Variants in FRMPD4 observed in about 807,000 individuals in gnomAD.
FRMPD4 encodes FERM and PDZ domain containing 4, also known as FERM and PDZ domain-containing protein 4.
FRMPD4 carries 22 observed loss-of-function variants against 94.1 expected under a neutral mutation model. The ratio of observed to expected loss-of-function variants is 0.23; its 90% CI spans 0.17 to 0.33. The LOEUF is 0.33. Among genes scored for constraint, FRMPD4 ranks in the 10% least tolerant of loss-of-function variants. The probability of loss-of-function intolerance (pLI) is 1.00; values close to 1 mark genes in which losing one functional copy is unlikely to be tolerated. For synonymous variants in FRMPD4, 631 were observed against 548.6 expected (o/e 1.15, Z -2.10); for missense variants, 1,111 against 1,339.9 (o/e 0.83, Z 2.67).
intron 3 of FRMPD4, among the ~76,000 whole-genome samples, chrX:11,959,091 A>T (rs866192546): frequency 2.7e-5 from 3 of 112,847 alleles, no homozygotes; most frequent in Middle Eastern, 4.6e-3. Context: ...TGTATTTTTT[A>T]AAGTTATTTC....
chrX:12,139,551 TGGG>T lies in FRMPD4; in HGVS notation c.41+547_41+549del, dbSNP rs368733965. On this transcript the variant is annotated intron_variant, in intron 1 of 16. Transcript: ENST00000675598. The stretch of plus-strand genomic sequence containing the variant: ...GAAAGACTTTCAGCCTTTTTTTTTT[TGGG>T]GGGGGGGTAACTATATTCTTAAGCC... Among the ~76,000 whole-genome samples the T allele has an allele frequency of 8.0e-4, 65 of 81,660 alleles. 1 individual carries two copies. The highest frequency in any genetic ancestry group is 2.9e-3 in the African/African-American group (63 of 22,024). The allele number at this position is 81,660 out of a possible 115,157, so 70.9% of individuals were successfully genotyped here.
intron 3 of FRMPD4, among the ~76,000 whole-genome samples, chrX:12,114,416 T>C (rs1453242930): frequency 8.9e-6 from 1 of 112,323 alleles, no homozygotes; most frequent in Non-Finnish European, 1.9e-5. Flanking sequence ...AATGAGTAAA[T>C]TAATCTCTCT....
At chrX:12,650,418 AG>A (rs1185231758) in intron 4 of FRMPD4, among the ~76,000 whole-genome samples, 1 of 105,595 alleles carries the variant, frequency 9.5e-6, no homozygotes, top group Non-Finnish European at 2.0e-5. Flanking sequence ...CTATCCACAA[AG>A]TCTAGAACAG....
intron 2 of FRMPD4, among the ~76,000 whole-genome samples, chrX:12,522,114 C>CAA (rs63200862): frequency 0.017 from 1,461 of 88,275 alleles, 33 homozygotes; most frequent in African/African-American, 0.057. Context: ...GTTACTTCTT[C>CAA]AAAAAAAAAA....
intron 1 of FRMPD4, among the ~76,000 whole-genome samples, chrX:12,263,395 GA>G (rs1463582969): frequency 9.0e-6 from 1 of 111,587 alleles, no homozygotes; most frequent in Non-Finnish European, 1.9e-5. Flanking sequence ...TAGAGGAAGT[GA>G]CAAATGATGA....
chrX:12,289,461 A>G (rs1043596158), intron 1 of FRMPD4, among the ~76,000 whole-genome samples: 52 of 112,238 alleles, frequency 4.6e-4, no homozygotes, highest in African/African-American at 8.1e-4. Context: ...GGGCATCTCA[A>G]TGTTCAAGAT....
rs888541621 is a variant in FRMPD4, at chrX:12,138,874, G to C, written c.-98G>C. ...GCTGTCGCCGCGACTCGAGCCCCGG[G>C]CGCACTGAGGTCTTGGCCATGGGGC... On this transcript the variant is annotated 5_prime_UTR_variant, in exon 1 of 17. Coordinates refer to ENST00000675598, the MANE Select transcript of FRMPD4 (RefSeq NM_001368397.1). 7 of 672,012 alleles carry C rather than the reference G, an allele frequency of 1.0e-5. No homozygotes were observed. The highest frequency in any genetic ancestry group is 1.5e-5 in the Non-Finnish European group (7 of 481,202). The allele number at this position is 672,012 out of a possible 1,213,427, so 55.4% of individuals were successfully genotyped here.
chrX:12,377,729 A>C (rs1462804726), intron 1 of FRMPD4, among the ~76,000 whole-genome samples: 1 of 112,682 alleles, frequency 8.9e-6, no homozygotes, highest in Non-Finnish European at 1.9e-5. Context: ...TGGGTGGATG[A>C]CATGTTGGCT....
At chrX:12,577,010 C>A (rs935821606) in intron 2 of FRMPD4, among the ~76,000 whole-genome samples, 1 of 111,600 alleles carries the variant, frequency 9.0e-6, no homozygotes, top group Non-Finnish European at 1.9e-5. Context: ...ATTGCAAATT[C>A]ATGGATCTGA....
intron 1 of FRMPD4, among the ~76,000 whole-genome samples, chrX:12,178,057 C>A (rs1241799176): frequency 9.0e-6 from 1 of 110,890 alleles, no homozygotes; most frequent in East Asian, 2.8e-4. Context: ...AAAGGTGGGG[C>A]CTTTGGGAGG....
intron 3 of FRMPD4, among the ~76,000 whole-genome samples, chrX:12,131,834 A>G (rs1343842149): frequency 8.9e-6 from 1 of 112,309 alleles, no homozygotes; most frequent in Non-Finnish European, 1.9e-5. Context: ...TGGGATAATA[A>G]TAACTTTTTT....
chrX:12,339,234 G>T (rs1482440627), intron 1 of FRMPD4, among the ~76,000 whole-genome samples: 1 of 111,751 alleles, frequency 8.9e-6, no homozygotes, highest in Non-Finnish European at 1.9e-5. Flanking sequence ...CATGTTTTTT[G>T]AATGTTCCAA....
At chrX:12,663,522 A>G (rs972075485) in intron 4 of FRMPD4, among the ~76,000 whole-genome samples, 1 of 111,789 alleles carries the variant, frequency 8.9e-6, no homozygotes, top group Admixed American at 9.5e-5. Context: ...GGCACTATTT[A>G]TGAAGCATCT....
Position 12,498,675 on chromosome X carries a change from TCCA to T in FRMPD4, c.42-4_42-2del. Reference sequence around the variant, plus strand: ...TAATGATGCTTTTTTTTTTTTCTTTTCCAGCCACAGGACGAAGTCTTCAGGCTG... The same window carrying T: ...TAATGATGCTTTTTTTTTTTTCTTTTGCCACAGGACGAAGTCTTCAGGCTG... On this transcript the variant is annotated splice_acceptor_variant and splice_polypyrimidine_tract_variant and intron_variant, in intron 1 of 16. Coordinates refer to ENST00000675598, the MANE Select transcript of FRMPD4 (RefSeq NM_001368397.1). LOFTEE classifies it high-confidence loss of function. 1 of 1,100,418 alleles carries T rather than the reference TCCA, an allele frequency of 9.1e-7. No homozygotes were observed. The highest frequency in any genetic ancestry group is 2.2e-5 in the Admixed American group (1 of 44,494). The allele number at this position is 1,100,418 out of a possible 1,213,427, so 90.7% of individuals were successfully genotyped here.
chrX:12,284,924 A>G (rs1227253243), intron 1 of FRMPD4, among the ~76,000 whole-genome samples: 1 of 112,145 alleles, frequency 8.9e-6, no homozygotes, highest in Non-Finnish European at 1.9e-5. Flanking sequence ...GACAATCTGT[A>G]TCATGGGAGT....
intron 1 of FRMPD4, among the ~76,000 whole-genome samples, chrX:11,832,721 G>A (rs946810141): frequency 2.7e-5 from 3 of 111,316 alleles, no homozygotes; most frequent in Non-Finnish European, 5.7e-5. Flanking sequence ...AGCAAAGTTG[G>A]GTGGAAAGTA....
intron 8 of FRMPD4, among the ~76,000 whole-genome samples, chrX:12,693,017 G>C (rs1168214404): frequency 2.7e-5 from 3 of 112,149 alleles, no homozygotes; most frequent in African/African-American, 9.7e-5. Context: ...CAGAAAGCTG[G>C]TGTGACTACT....
At chrX:12,310,434 C>T (rs1183901796) in intron 1 of FRMPD4, among the ~76,000 whole-genome samples, 3 of 79,466 alleles carry the variant, frequency 3.8e-5, no homozygotes, top group Non-Finnish European at 6.8e-5. Flanking sequence ...ACGTGCAAGT[C>T]AAGGGGATGC....
At chrX:12,001,970 A>G (rs1372499756) in intron 3 of FRMPD4, among the ~76,000 whole-genome samples, 1 of 111,860 alleles carries the variant, frequency 8.9e-6, no homozygotes, top group Non-Finnish European at 1.9e-5. Flanking sequence ...TCAGAATCTA[A>G]GAAGTAAATA....
Sources: gnomAD v4.1 joint callset for allele counts (sites outside exome capture counted in the v4.1 genomes callset) on GRCh38, gnomAD v4.1.1 for gene constraint, MANE v1.5 for transcripts, NCBI Gene and HGNC (gene_info 2026-07-23, HGNC 2026-07-21) for gene names.